The following TAFA1 variants were observed in gnomAD, a reference collection of about 807,000 sequenced individuals.
The protein encoded by TAFA1 is TAFA chemokine like family member 1, also known as chemokine-like protein TAFA-1.
TAFA1 carries 4 observed loss-of-function variants against 18.5 expected under a neutral mutation model. That is an observed-to-expected ratio of 0.22 (90% CI 0.11 to 0.49). The LOEUF (loss-of-function observed/expected upper bound fraction) is 0.49, where lower values mean the gene tolerates loss of function less well. TAFA1 is among the 20% of genes least tolerant of loss of function. The pLI, the probability that TAFA1 is intolerant of heterozygous loss-of-function variation, is 0.98. For missense variants in TAFA1, 147 were observed against 169.0 expected (o/e 0.87, Z 0.72); for synonymous variants, 56 against 55.2 (o/e 1.01, Z -0.06).
At chr3:68,458,007 G>T (rs1397247) in intron 3 of TAFA1, among the ~76,000 whole-genome samples, 58,933 of 151,986 alleles carry the variant, frequency 0.39, 12,157 homozygotes, top group Non-Finnish European at 0.44. Context: ...ACATTTTAAT[G>T]ATCTGGTGAT....
At chr3:68,053,475 A>G (rs2064497179) in intron 2 of TAFA1, among the ~76,000 whole-genome samples, 1 of 152,108 alleles carries the variant, frequency 6.6e-6, no homozygotes, top group Non-Finnish European at 1.5e-5. Flanking sequence ...AGGTCTACCT[A>G]CTAGATACTC....
chr3:68,131,459 TTCCTGCA>T (rs756201929), intron 2 of TAFA1, among the ~76,000 whole-genome samples: 26 of 152,208 alleles, frequency 1.7e-4, no homozygotes. Context: ...AGTATTACCC[TTCCTGCA>T]TCCTTATTTT....
At chr3:68,400,311 A>T (rs952280355) in intron 2 of TAFA1, among the ~76,000 whole-genome samples, 1 of 152,182 alleles carries the variant, frequency 6.6e-6, no homozygotes, top group Middle Eastern at 3.2e-3. Context: ...CATTTTACAG[A>T]TAAGTAAATT....
At chr3:68,398,584 G>A (rs1021856877) in intron 2 of TAFA1, among the ~76,000 whole-genome samples, 1 of 152,122 alleles carries the variant, frequency 6.6e-6, no homozygotes, top group East Asian at 1.9e-4. Flanking sequence ...CTCCCCAATT[G>A]CTTCAGATCC....
chr3:68,167,516 G>T (rs1429345060), intron 2 of TAFA1, among the ~76,000 whole-genome samples: 1 of 147,098 alleles, frequency 6.8e-6, no homozygotes, highest in Non-Finnish European at 1.5e-5. Flanking sequence ...GGCGGAGCTT[G>T]TAGTGAGCCG....
At chr3:68,094,220 A>G (rs559356296) in intron 2 of TAFA1, among the ~76,000 whole-genome samples, 1 of 152,118 alleles carries the variant, frequency 6.6e-6, no homozygotes, top group Non-Finnish European at 1.5e-5. Flanking sequence ...CTCTAATTCC[A>G]TCCATCATGA....
chr3:68,053,843 A>C (rs2064501623), intron 2 of TAFA1, among the ~76,000 whole-genome samples: 1 of 152,112 alleles, frequency 6.6e-6, no homozygotes, highest in Non-Finnish European at 1.5e-5. Flanking sequence ...AGCTCAGACT[A>C]TAAGCAAGCA....
chr3:68,379,256 C>A (rs2106662494), intron 2 of TAFA1, among the ~76,000 whole-genome samples: 1 of 152,220 alleles, frequency 6.6e-6, no homozygotes, highest in South Asian at 2.1e-4. Context: ...CCCTAATGAT[C>A]AGTGATGTTG....
chr3:68,108,462 GCA>G (rs879403720), intron 2 of TAFA1, among the ~76,000 whole-genome samples: 4,086 of 40,692 alleles, frequency 0.1, 129 homozygotes, highest in African/African-American at 0.17. Flanking sequence ...GTGTGTGTGT[GCA>G]TGTGTGTGTG....
intron 3 of TAFA1, among the ~76,000 whole-genome samples, chr3:68,485,464 T>G (rs957537161): frequency 1.3e-5 from 2 of 152,198 alleles, no homozygotes; most frequent in African/African-American, 4.8e-5. Context: ...AGAATTTAGA[T>G]GAGTGTACCT....
In TAFA1 at chr3:68,144,052, A is replaced by G. The variant is rs188817819; in HGVS notation, c.118+137308A>G. On this transcript the variant is annotated intron_variant, in intron 2 of 4. Transcript: ENST00000478136. ...AAACTTGGCAGAAACATTCTTTTTG[A>G]AAGAGGAAAAAAAGAAAACCCTAAA... Among the ~76,000 whole-genome samples, 76 of 150,440 alleles carry G rather than the reference A, an allele frequency of 5.1e-4. No homozygotes were observed. In the East Asian group the frequency reaches 0.014, roughly 28 times the overall value.
At chr3:68,158,653 T>A (rs922061125) in intron 2 of TAFA1, among the ~76,000 whole-genome samples, 10 of 152,122 alleles carry the variant, frequency 6.6e-5, no homozygotes, top group African/African-American at 2.4e-4. Context: ...GCAGAATACA[T>A]CATTAAATGC....
intron 2 of TAFA1, among the ~76,000 whole-genome samples, chr3:68,392,262 A>T (rs1365495033): frequency 6.6e-6 from 1 of 152,156 alleles, no homozygotes; most frequent in Non-Finnish European, 1.5e-5. Flanking sequence ...AAAAAGACAA[A>T]GAAGGATATT....
At chr3:68,402,529 C>A (rs1227317009) in intron 2 of TAFA1, among the ~76,000 whole-genome samples, 1 of 152,154 alleles carries the variant, frequency 6.6e-6, no homozygotes, top group Non-Finnish European at 1.5e-5. Context: ...ATAAATTTTT[C>A]TACCTGAGTC....
chr3:68,169,436 C>G (rs541841171), intron 2 of TAFA1, among the ~76,000 whole-genome samples: 7 of 152,216 alleles, frequency 4.6e-5, no homozygotes, highest in Non-Finnish European at 7.3e-5. Flanking sequence ...ACTGGAGTCT[C>G]CTAACCAAAC....
chr3:68,427,144 T>G (rs1040673551), intron 3 of TAFA1, among the ~76,000 whole-genome samples: 30 of 151,926 alleles, frequency 2.0e-4, no homozygotes, highest in African/African-American at 7.2e-4. Flanking sequence ...TAACCTCAAA[T>G]TCACAAAGAA....
intron 2 of TAFA1, among the ~76,000 whole-genome samples, chr3:68,221,269 C>T (rs1235496505): frequency 6.6e-6 from 1 of 152,038 alleles, no homozygotes; most frequent in Non-Finnish European, 1.5e-5. Flanking sequence ...AAACTGGGAC[C>T]CAATTTTGCT....
At chr3:68,170,745 C>A (rs1286015198) in intron 2 of TAFA1, among the ~76,000 whole-genome samples, 1 of 151,730 alleles carries the variant, frequency 6.6e-6, no homozygotes, top group Non-Finnish European at 1.5e-5. Flanking sequence ...TCAACAGAGG[C>A]TGGAGGATTT....
chr3:68,378,551 C>T (rs967664612), intron 2 of TAFA1, among the ~76,000 whole-genome samples: 1 of 152,016 alleles, frequency 6.6e-6, no homozygotes, highest in Non-Finnish European at 1.5e-5. Flanking sequence ...TGTGGATCTT[C>T]GAATTAATGC....
Sources: allele counts gnomAD v4.1 joint callset (sites outside exome capture counted in the v4.1 genomes callset), GRCh38; gene constraint gnomAD v4.1.1; transcripts MANE v1.5; gene names NCBI Gene and HGNC (gene_info 2026-07-23, HGNC 2026-07-21).